TGFB2: variants seen among roughly 807,000 people sequenced by gnomAD.
TGFB2 encodes the protein transforming growth factor beta-2 proprotein.
A neutral mutation model predicts 42.7 loss-of-function variants in TGFB2; 13 were observed. The observed-to-expected ratio is 0.30, with a 90% CI of 0.20 to 0.48. TGFB2 has a LOEUF of 0.48. TGFB2 is among the 20% of genes least tolerant of loss of function. The pLI is 0.99. For missense variants in TGFB2, 390 were observed against 517.5 expected, an observed-to-expected ratio of 0.75 and a Z score of 2.39; for synonymous variants, 193 against 193.6, an observed-to-expected ratio of 1.00 and a Z score of 0.03.
Position 218,346,740 on chromosome 1 carries a change from T to C in TGFB2, c.39T>C (p.His13=), listed in dbSNP as rs1414431711. ...TGCTGAGCGCTTTTCTGATCCTGCA[T>C]CTGGTCACGGTCGCGCTCAGCCTGT... ...YCVLSAFLIL[H]LVTVALSLST... The change falls in exon 1 of 7, where the codon CAT becomes CAC. Residue 13 remains histidine (H), a synonymous_variant. Coordinates refer to ENST00000366930, the MANE Select transcript of TGFB2 (RefSeq NM_003238.6). This position sits in a 1 kb window ranked among gnomAD's most constrained non-coding sequence, Gnocchi z 4.9. 1.9e-6 allele frequency: 3 copies of C among 1,613,928 alleles called. No homozygotes were observed. Among genetic ancestry groups the C allele is most frequent in the Non-Finnish European group, 2.5e-6 (3 of 1,179,984 alleles).
Position 218,405,258 on chromosome 1 carries a change from A to G in TGFB2, c.436A>G (p.Lys146Glu). Residue 146 changes from lysine (K) to glutamate (E), a missense_variant, in exon 2 of 7, where the codon AAA (lysine) becomes GAA (glutamate). Physicochemically the swap from Lys to Glu is moderately conservative, Grantham distance 56. Transcript: ENST00000366930. ...GGAGAAGAATGCTTCCAATTTGGTG[A>G]AAGCAGAGTTCAGAGTCTTTCGTTT... ...AMEKNASNLV[K>E]AEFRVFRLQN... 1 of 1,614,160 alleles carries G rather than the reference A, an allele frequency of 6.2e-7. No homozygotes were observed.
Position 218,346,730 on chromosome 1 carries a change from T to G in TGFB2, c.29T>G (p.Leu10Arg). MHYCVLSAF[L>R]ILHLVTVALS... is the part of the protein sequence containing the mutation. Reference sequence around the variant, plus strand: ...CACTACTGTGTGCTGAGCGCTTTTCTGATCCTGCATCTGGTCACGGTCGCG... The same window carrying G: ...CACTACTGTGTGCTGAGCGCTTTTCGGATCCTGCATCTGGTCACGGTCGCG... The change falls in exon 1 of 7, where the codon CTG becomes CGG. Residue 10 changes from leucine (L) to arginine (R), a missense_variant. Leu to Arg is a moderately radical substitution (Grantham distance 102). Coordinates refer to ENST00000366930, the MANE Select transcript of TGFB2 (RefSeq NM_003238.6). This position sits in a 1 kb window ranked among gnomAD's most constrained non-coding sequence, Gnocchi z 4.9. 6.2e-7 allele frequency: 1 copy of G among 1,613,638 alleles called. No individual in the cohort carries two copies.
At chr1:218,353,369 C>G (rs114954492) in intron 1 of TGFB2, among the ~76,000 whole-genome samples, 6 of 152,192 alleles carry the variant, frequency 3.9e-5, no homozygotes, top group African/African-American at 7.2e-5. Flanking sequence ...ATGTCTGGCA[C>G]TATCCAGTTC....
intron 2 of TGFB2, among the ~76,000 whole-genome samples, chr1:218,406,157 T>C (rs1424822004): frequency 6.6e-6 from 1 of 151,470 alleles, no homozygotes; most frequent in East Asian, 1.9e-4. Context: ...TTTTCCTTTC[T>C]AATTCTACCC....
chr1:218,435,638 A>C (rs1659945971), intron 4 of TGFB2, among the ~76,000 whole-genome samples: 1 of 152,204 alleles, frequency 6.6e-6, no homozygotes, highest in East Asian at 1.9e-4. Context: ...AACGCAGCCT[A>C]AACTGAGGAT....
chr1:218,412,180 A>G (rs573397111), intron 2 of TGFB2, among the ~76,000 whole-genome samples: 10 of 152,224 alleles, frequency 6.6e-5, no homozygotes, highest in Admixed American at 1.3e-4. Context: ...AGAAATGTAC[A>G]TATAAGTGAT....
At chr1:218,380,976 T>C (rs568760098) in intron 1 of TGFB2, among the ~76,000 whole-genome samples, 131 of 152,302 alleles carry the variant, frequency 8.6e-4, no homozygotes, top group Non-Finnish European at 1.5e-3. Flanking sequence ...ACTTTGTAGA[T>C]GGGAAAAGTG....
chr1:218,440,662 C>T (rs944680985), intron 6 of TGFB2, among the ~76,000 whole-genome samples: 1 of 152,170 alleles, frequency 6.6e-6, no homozygotes, highest in African/African-American at 2.4e-5. Flanking sequence ...TTCATGTATT[C>T]ATTTCTTCAC....
chr1:218,438,940 C>G (rs1558264980), intron 6 of TGFB2, among the ~76,000 whole-genome samples: 1 of 152,022 alleles, frequency 6.6e-6, no homozygotes, highest in Non-Finnish European at 1.5e-5. Flanking sequence ...AACCCCGTCT[C>G]TACTAAAAAT....
At chr1:218,347,181 C>T (rs2102528088) in intron 1 of TGFB2, 134 bp downstream of exon 1, 1 of 710,892 alleles carries the variant, frequency 1.4e-6, no homozygotes, top group Non-Finnish European at 2.4e-6. Context: ...TGTCCTTCAC[C>T]CCACCACCTC....
In TGFB2 at chr1:218,444,339, C is replaced by T. The variant is rs1020709619; in HGVS notation, c.*2977C>T. On this transcript the variant is annotated 3_prime_UTR_variant, in exon 7 of 7. Coordinates refer to ENST00000366930, the MANE Select transcript of TGFB2 (RefSeq NM_003238.6). ...TTTCTGGTTCTATGTTCTGCCAACGCCAGGGCCAAAAGAACTGGTCTAGAC... is the reference window on the plus strand; with the variant it reads ...TTTCTGGTTCTATGTTCTGCCAACGTCAGGGCCAAAAGAACTGGTCTAGAC... 2.0e-5 allele frequency: 3 copies of T among 152,184 alleles called. No homozygotes were observed. Among genetic ancestry groups the T allele is most frequent in the Non-Finnish European group, 4.4e-5 (3 of 68,046 alleles). The allele number at this position is 152,184 out of a possible 1,614,324, so 9.4% of individuals were successfully genotyped here.
chr1:218,396,310 G>A (rs1460630243), intron 1 of TGFB2, among the ~76,000 whole-genome samples: 1 of 152,194 alleles, frequency 6.6e-6, no homozygotes, highest in East Asian at 1.9e-4. Context: ...CTAACATAGT[G>A]GAATTTAGGG....
At chr1:218,417,953 G>C (rs989838402) in intron 2 of TGFB2, among the ~76,000 whole-genome samples, 1 of 152,260 alleles carries the variant, frequency 6.6e-6, no homozygotes, top group African/African-American at 2.4e-5. Flanking sequence ...TGGATGCCCA[G>C]GCAGAAGTTT....
intron 2 of TGFB2, among the ~76,000 whole-genome samples, chr1:218,421,392 A>G (rs1487057076): frequency 6.9e-6 from 1 of 144,546 alleles, no homozygotes. Flanking sequence ...TTTTTTTATC[A>G]CTATAAAAGA....
At chr1:218,416,890 C>T (rs1464985997) in intron 2 of TGFB2, among the ~76,000 whole-genome samples, 3 of 152,222 alleles carry the variant, frequency 2.0e-5, no homozygotes. Flanking sequence ...CACAAGCTCT[C>T]TTTCTCTTCT....
chr1:218,440,195 G>A (rs1363180184), intron 6 of TGFB2, among the ~76,000 whole-genome samples: 1 of 152,148 alleles, frequency 6.6e-6, no homozygotes, highest in East Asian at 1.9e-4. Context: ...ATAGGTTAGT[G>A]GAGGGTTGAT....
chr1:218,402,956 G>A (rs1431047792), intron 1 of TGFB2, among the ~76,000 whole-genome samples: 1 of 152,186 alleles, frequency 6.6e-6, no homozygotes, highest in Non-Finnish European at 1.5e-5. Context: ...TGAGCTGGTC[G>A]GCATAGGACC....
intron 2 of TGFB2, among the ~76,000 whole-genome samples, chr1:218,432,769 C>T (rs953531324): frequency 3.3e-5 from 5 of 152,188 alleles, no homozygotes; most frequent in African/African-American, 1.2e-4. Flanking sequence ...GCTGGAGAGA[C>T]CAAGCCCATA....
At chr1:218,397,989 C>G (rs1347583169) in intron 1 of TGFB2, among the ~76,000 whole-genome samples, 1 of 152,238 alleles carries the variant, frequency 6.6e-6, no homozygotes, top group Non-Finnish European at 1.5e-5. Flanking sequence ...ACACTGAGAC[C>G]AGTGCTTGTC....
Sources: allele counts gnomAD v4.1 joint callset (sites outside exome capture counted in the v4.1 genomes callset), GRCh38; gene constraint gnomAD v4.1.1; non-coding constraint Gnocchi (gnomAD v3.1); transcripts MANE v1.5; gene names NCBI Gene and HGNC (gene_info 2026-07-23, HGNC 2026-07-21).